Variants in NREP observed in about 807,000 individuals in gnomAD.
The protein encoded by NREP is neuronal regeneration-related protein.
Under a neutral mutation model 8.6 loss-of-function variants are expected in NREP, and 5 were observed. The ratio of observed to expected loss-of-function variants is 0.58; its 90% CI spans 0.30 to 1.22. The LOEUF is 1.22. NREP is among the 50% of genes most tolerant of loss of function. The probability of loss-of-function intolerance (pLI) is 0.07; values close to 1 mark genes in which losing one functional copy is unlikely to be tolerated. For synonymous variants in NREP, 27 were observed against 28.0 expected, an observed-to-expected ratio of 0.96 and a Z score of 0.11; for missense variants, 86 against 82.5, an observed-to-expected ratio of 1.04 and a Z score of -0.17.
intron 2 of NREP, among the ~76,000 whole-genome samples, chr5:111,801,748 A>C (rs776316812): frequency 1.4e-4 from 21 of 152,234 alleles, no homozygotes; most frequent in Non-Finnish European, 2.9e-4. Context: ...GTACAATACA[A>C]AGATGAACAA....
At chr5:111,799,764 T>C (rs980784178) in intron 2 of NREP, among the ~76,000 whole-genome samples, 1 of 152,226 alleles carries the variant, frequency 6.6e-6, no homozygotes, top group African/African-American at 2.4e-5. Flanking sequence ...CAAAGGGTGT[T>C]ATTTACTTCA....
chr5:111,916,237 T>C (rs1008590997), intron 2 of NREP, among the ~76,000 whole-genome samples: 2 of 152,096 alleles, frequency 1.3e-5, no homozygotes, highest in East Asian at 3.9e-4. Context: ...AGAGTCATTT[T>C]CCCAGGACTA....
At chr5:111,743,122 ATAAG>A (rs1561639969) in intron 2 of NREP, among the ~76,000 whole-genome samples, 1 of 151,446 alleles carries the variant, frequency 6.6e-6, no homozygotes, top group African/African-American at 2.4e-5. Flanking sequence ...TACAAATCTT[ATAAG>A]TAATATCTAA....
At chr5:111,758,461 GTAATAGCTCA>G (rs777156967), upstream of NREP, among the ~76,000 whole-genome samples, 1 of 152,186 alleles carries the variant, frequency 6.6e-6, no homozygotes, top group Non-Finnish European at 1.5e-5. Context: ...TCATAGTAAT[GTAATAGCTCA>G]AAATTTTGCA....
intron 2 of NREP, among the ~76,000 whole-genome samples, chr5:111,778,361 A>G (rs191511886): frequency 2.5e-3 from 379 of 152,282 alleles, no homozygotes; most frequent in African/African-American, 8.1e-3. Flanking sequence ...CCATTGAGGT[A>G]AATAATGTTG....
chr5:111,821,969 T>C (rs1007587726), intron 2 of NREP, among the ~76,000 whole-genome samples: 22 of 152,198 alleles, frequency 1.4e-4, no homozygotes, highest in African/African-American at 5.3e-4. Flanking sequence ...TCTTCTACTA[T>C]GAAAATGCTT....
intron 2 of NREP, among the ~76,000 whole-genome samples, chr5:111,904,200 T>C (rs865937439): frequency 2.0e-5 from 3 of 152,156 alleles, no homozygotes; most frequent in Non-Finnish European, 2.9e-5. Context: ...GATGAACCAA[T>C]AATGATACAT....
intron 2 of NREP, among the ~76,000 whole-genome samples, chr5:111,856,665 G>T (rs991221968): frequency 6.6e-6 from 1 of 151,762 alleles, no homozygotes; most frequent in Non-Finnish European, 1.5e-5. Context: ...GTGCCTACTG[G>T]TACCCTAAAT....
At chr5:111,974,745 A>G (rs1338741199) in intron 2 of NREP, among the ~76,000 whole-genome samples, 1 of 152,212 alleles carries the variant, frequency 6.6e-6, no homozygotes, top group Non-Finnish European at 1.5e-5. Flanking sequence ...GAGTTATTAT[A>G]TTTAAGTTCA....
intron 2 of NREP, among the ~76,000 whole-genome samples, chr5:111,778,143 T>C (rs1338837701): frequency 1.3e-5 from 2 of 152,138 alleles, no homozygotes; most frequent in South Asian, 2.1e-4. Flanking sequence ...GGAGTGGTCT[T>C]GTCAAGCAGA....
chr5:111,913,361 C>T lies in NREP; in HGVS notation c.135+61913G>A, dbSNP rs146386351. Among the ~76,000 whole-genome samples, 7 of 152,164 alleles carry T rather than the reference C, an allele frequency of 4.6e-5. No homozygotes were observed. The East Asian group carries it at 9.7e-4, about 21-fold the overall frequency. ...AGGAGATAAGGAACTAGCACATTGC[C>T]TTTCATTAATCCATTACAGCAGACT... On this transcript the variant is annotated intron_variant, in intron 2 of 3. Coordinates refer to the NREP transcript ENST00000395634.
intron 2 of NREP, among the ~76,000 whole-genome samples, chr5:111,965,198 A>G (rs1756610058): frequency 6.6e-6 from 1 of 152,112 alleles, no homozygotes; most frequent in Admixed American, 6.5e-5. Context: ...TTTTTGGTAT[A>G]AGAAAACCTT....
At chr5:111,864,971 T>C (rs904306373) in intron 2 of NREP, among the ~76,000 whole-genome samples, 1 of 152,144 alleles carries the variant, frequency 6.6e-6, no homozygotes, top group South Asian at 2.1e-4. Flanking sequence ...AAAGGGGAAG[T>C]TGATAAAGTA....
chr5:111,756,257 T>A, intron 1 of NREP: 14 of 982,006 alleles, frequency 1.4e-5, no homozygotes, highest in Non-Finnish European at 1.7e-5. Context: ...AGAGTGGATA[T>A]TTTTGGAAAT....
intron 2 of NREP, among the ~76,000 whole-genome samples, chr5:111,914,579 A>T (rs6898198): frequency 0.4 from 60,670 of 152,038 alleles, 14,405 homozygotes; most frequent in Non-Finnish European, 0.54. Context: ...ACACAGCAGT[A>T]GGATGGACGT....
At chr5:111,813,570 A>C (rs1752316728) in intron 2 of NREP, among the ~76,000 whole-genome samples, 1 of 152,076 alleles carries the variant, frequency 6.6e-6, no homozygotes, top group African/African-American at 2.4e-5. Context: ...TAATTTGAGG[A>C]TATTTCACAG....
chr5:111,739,090 G>T (rs572603625), intron 2 of NREP: 2 of 152,126 alleles, frequency 1.3e-5, no homozygotes, highest in Non-Finnish European at 2.9e-5. Flanking sequence ...GGCAGCCCTC[G>T]CAAACTAAAC....
chr5:111,798,611 G>C (rs1227290344), intron 2 of NREP, among the ~76,000 whole-genome samples: 1 of 152,030 alleles, frequency 6.6e-6, no homozygotes, highest in Non-Finnish European at 1.5e-5. Flanking sequence ...ATATGAATGA[G>C]AACATACAAT....
chr5:111,738,355 G>A (rs1237166724), intron 2 of NREP: 2 of 152,168 alleles, frequency 1.3e-5, no homozygotes, highest in Non-Finnish European at 2.9e-5. Context: ...CATTCCCAGT[G>A]CTGGATGTGG....
Sources: allele counts gnomAD v4.1 joint callset (sites outside exome capture counted in the v4.1 genomes callset), GRCh38; gene constraint gnomAD v4.1.1; transcripts MANE v1.5; gene names NCBI Gene and HGNC (gene_info 2026-07-23, HGNC 2026-07-21).